PABPC4L: variants seen among roughly 807,000 people sequenced by gnomAD.
PABPC4L encodes polyadenylate-binding protein 4-like.
For synonymous variants in PABPC4L, 169 were observed against 164.1 expected, an observed-to-expected ratio of 1.03 and a Z score of -0.23; for missense variants, 452 against 451.4, an observed-to-expected ratio of 1.00 and a Z score of -0.01.
At chr4:133,996,590 C>T in the PABPC4L span, among the ~76,000 whole-genome samples, 45 of 152,164 alleles carry the variant, frequency 3.0e-4, no homozygotes, top group Non-Finnish European at 5.4e-4. Context: ...AGTCTCTTCA[C>T]CTTCATTTTT....
chr4:134,166,624 C>T, the PABPC4L span, among the ~76,000 whole-genome samples: 4 of 152,164 alleles, frequency 2.6e-5, no homozygotes, highest in South Asian at 2.1e-4. Flanking sequence ...TCACAGGAGG[C>T]GGCAGATGTA....
At position 134,200,985 on chromosome 4, in the gene PABPC4L, A is replaced by G; in HGVS notation, c.35T>C (p.Leu12Pro). Reference protein sequence around the residue: ...NVAAKYRMASLYVGDLHADVT... With the variant: ...NVAAKYRMASPYVGDLHADVT... ...ATCTGCATGTAAGTCACCCACATAC[A>G]GGGAGGCCATGCGGTACTTGGCTGC... is the stretch of plus-strand genomic sequence containing the variant. Residue 12 changes from leucine (L) to proline (P), a missense_variant, in exon 2 of 2, where the codon CTG becomes CCG. Transcript: ENST00000421491. 8 of 1,552,680 alleles carry G rather than the reference A, an allele frequency of 5.2e-6. No individual in the cohort carries two copies. The highest frequency in any genetic ancestry group is 7.0e-6 in the Non-Finnish European group (8 of 1,147,522).
the PABPC4L span, among the ~76,000 whole-genome samples, chr4:134,022,763 G>A: frequency 6.6e-6 from 1 of 151,996 alleles, no homozygotes; most frequent in East Asian, 1.9e-4. Context: ...ATATTCTCAT[G>A]TCTTCTATGC....
At chr4:133,993,869 G>T in the PABPC4L span, among the ~76,000 whole-genome samples, 3 of 129,814 alleles carry the variant, frequency 2.3e-5, no homozygotes, top group Non-Finnish European at 5.1e-5. Context: ...AGCAGTTGCT[G>T]AAGTAGAAGA....
the PABPC4L span, among the ~76,000 whole-genome samples, chr4:134,075,055 A>T: frequency 6.6e-6 from 1 of 152,158 alleles, no homozygotes; most frequent in African/African-American, 2.4e-5. Context: ...ATTATATTAA[A>T]CCTAATATGG....
chr4:134,188,996 C>T, the PABPC4L span, among the ~76,000 whole-genome samples: 6 of 151,680 alleles, frequency 4.0e-5, no homozygotes, highest in African/African-American at 1.5e-4. Flanking sequence ...TTTTCTTCAC[C>T]GTGTTTTTCA....
At chr4:134,063,546 C>T in the PABPC4L span, among the ~76,000 whole-genome samples, 2 of 151,812 alleles carry the variant, frequency 1.3e-5, no homozygotes. Flanking sequence ...GAAATATATA[C>T]CCACAATAAT....
At chr4:134,180,459 C>T in the PABPC4L span, among the ~76,000 whole-genome samples, 1 of 151,670 alleles carries the variant, frequency 6.6e-6, no homozygotes, top group Non-Finnish European at 1.5e-5. Context: ...AAATTGACAA[C>T]CTAATATCAC....
the PABPC4L span, chr4:134,010,472 T>C: frequency 6.6e-6 from 1 of 152,176 alleles, no homozygotes; most frequent in African/African-American, 2.4e-5. Context: ...AATTAATTTC[T>C]GGCTGCTGTC....
the PABPC4L span, among the ~76,000 whole-genome samples, chr4:134,180,073 T>A: frequency 3.9e-5 from 6 of 152,022 alleles, no homozygotes; most frequent in Non-Finnish European, 8.8e-5. Context: ...GGACTCTTCA[T>A]CCAAAAACAG....
the PABPC4L span, among the ~76,000 whole-genome samples, chr4:134,052,205 C>A: frequency 1.3e-5 from 2 of 151,938 alleles, no homozygotes; most frequent in Non-Finnish European, 2.9e-5. Context: ...GTAGGTTGTT[C>A]ATTGCCACAA....
the PABPC4L span, among the ~76,000 whole-genome samples, chr4:134,128,798 G>T: frequency 6.6e-6 from 1 of 152,076 alleles, no homozygotes. Flanking sequence ...CAAATAACAT[G>T]AGGAATAGAA....
the PABPC4L span, among the ~76,000 whole-genome samples, chr4:133,963,356 A>T: frequency 6.6e-6 from 1 of 152,164 alleles, no homozygotes; most frequent in Non-Finnish European, 1.5e-5. Context: ...TTACTAATAG[A>T]CCTAAGAAAT....
the PABPC4L span, among the ~76,000 whole-genome samples, chr4:134,163,083 A>G: frequency 6.6e-6 from 1 of 152,112 alleles, no homozygotes; most frequent in Non-Finnish European, 1.5e-5. Context: ...GGTTCTTATA[A>G]ATAATAAATA....
the PABPC4L span, among the ~76,000 whole-genome samples, chr4:134,101,061 T>C: frequency 6.6e-6 from 1 of 151,516 alleles, no homozygotes; most frequent in Non-Finnish European, 1.5e-5. Flanking sequence ...TTGGATCAGC[T>C]TGGCAATCTA....
the PABPC4L span, among the ~76,000 whole-genome samples, chr4:134,072,842 A>G: frequency 6.6e-6 from 1 of 152,108 alleles, no homozygotes; most frequent in Non-Finnish European, 1.5e-5. Flanking sequence ...ACAAGGGGGA[A>G]ATGGGCTCTT....
chr4:134,041,109 CT>C, the PABPC4L span, among the ~76,000 whole-genome samples: 1 of 152,096 alleles, frequency 6.6e-6, no homozygotes, highest in Non-Finnish European at 1.5e-5. Flanking sequence ...AATGGGAACA[CT>C]TTTACACTGT....
the PABPC4L span, among the ~76,000 whole-genome samples, chr4:134,050,474 G>T: frequency 6.6e-6 from 1 of 152,076 alleles, no homozygotes; most frequent in African/African-American, 2.4e-5. Context: ...GGAGGCTGAG[G>T]TGGGTGGATC....
At chr4:133,965,139 T>G in the PABPC4L span, among the ~76,000 whole-genome samples, 1 of 152,090 alleles carries the variant, frequency 6.6e-6, no homozygotes. Flanking sequence ...ACAAGATTAG[T>G]GTACACAAAT....
Sources: gnomAD v4.1 joint callset for allele counts (sites outside exome capture counted in the v4.1 genomes callset) on GRCh38, gnomAD v4.1.1 for gene constraint, MANE v1.5 for transcripts, NCBI Gene and HGNC (gene_info 2026-07-23, HGNC 2026-07-21) for gene names.